SIK3: variants seen among roughly 807,000 people sequenced by gnomAD.
SIK3 encodes the protein serine/threonine-protein kinase SIK3.
A neutral mutation model predicts 144.2 loss-of-function variants in SIK3; 28 were observed. That is an observed-to-expected ratio of 0.19 (90% CI 0.14 to 0.27). The LOEUF (loss-of-function observed/expected upper bound fraction) is 0.27, where lower values mean the gene tolerates loss of function less well. SIK3 is among the 10% of genes least tolerant of loss of function. The probability of loss-of-function intolerance (pLI) is 1.00; values close to 1 mark genes in which losing one functional copy is unlikely to be tolerated. For missense variants in SIK3, 1,319 were observed against 1,776.0 expected (o/e 0.74, Z 4.62); for synonymous variants, 686 against 676.3 (o/e 1.01, Z -0.22).
intron 1 of SIK3, among the ~76,000 whole-genome samples, chr11:117,018,692 G>A (rs946059849): frequency 1.3e-5 from 2 of 149,278 alleles, no homozygotes; most frequent in Non-Finnish European, 3.0e-5. Context: ...CTGAATTATT[G>A]TATCATTGTT....
intron 6 of SIK3, among the ~76,000 whole-genome samples, chr11:116,889,025 G>C (rs1944967113): frequency 6.6e-6 from 1 of 152,186 alleles, no homozygotes; most frequent in Non-Finnish European, 1.5e-5. Flanking sequence ...TTGCTCACAG[G>C]AAACACTGTG....
At chr11:116,896,924 G>A (rs1327272011) in intron 5 of SIK3, among the ~76,000 whole-genome samples, 1 of 151,788 alleles carries the variant, frequency 6.6e-6, no homozygotes, top group Non-Finnish European at 1.5e-5. Flanking sequence ...CTACTTGTGA[G>A]GCTGAGGCAG....
intron 21 of SIK3, chr11:116,857,427 A>C: frequency 4.6e-6 from 1 of 218,488 alleles, no homozygotes; most frequent in African/African-American, 2.3e-5. Context: ...GAGCAGAATT[A>C]AGGTGCTCTG....
In SIK3 at chr11:116,859,770, T is replaced by A. The variant is rs140153143; in HGVS notation, c.2426-166A>T. The stretch of plus-strand genomic sequence containing the variant: ...GAGAACTTGTTAAACAGAAGATTCC[T>A]GGGTCCTATCTATATAATTCTGTTT... On this transcript the variant is annotated intron_variant, in intron 19 of 24. Transcript: ENST00000445177. Among the ~76,000 whole-genome samples the A allele has an allele frequency of 5.1e-3, 779 of 152,342 alleles. 7 individuals carry two copies. Among genetic ancestry groups the A allele is most frequent in the African/African-American group, 0.018 (738 of 41,580 alleles).
intron 3 of SIK3, among the ~76,000 whole-genome samples, chr11:116,953,529 T>C (rs1225437950): frequency 6.6e-6 from 1 of 152,174 alleles, no homozygotes; most frequent in African/African-American, 2.4e-5. Context: ...GAGAGGAAAA[T>C]ATAGCTACTG....
At chr11:117,046,793 T>C (rs1374824634) in intron 1 of SIK3, among the ~76,000 whole-genome samples, 1 of 152,120 alleles carries the variant, frequency 6.6e-6, no homozygotes, top group African/African-American at 2.4e-5. Flanking sequence ...GGTGGGAGGA[T>C]TGCTTTAGCC....
At chr11:116,990,210 G>A (rs981652638) in intron 1 of SIK3, among the ~76,000 whole-genome samples, 7 of 152,120 alleles carry the variant, frequency 4.6e-5, no homozygotes, top group African/African-American at 1.2e-4. Flanking sequence ...TTGTGATCCC[G>A]CCTAGCCAAC....
intron 1 of SIK3, among the ~76,000 whole-genome samples, chr11:117,064,935 G>A (rs570152580): frequency 6.6e-6 from 1 of 152,060 alleles, no homozygotes. Context: ...AGATCACGAG[G>A]TCAGGAGTTC....
rs542214924 is a variant in SIK3, at chr11:116,989,211, G to A, written c.274-32147C>T. Among the ~76,000 whole-genome samples, 4 of 151,302 alleles carry A rather than the reference G, an allele frequency of 2.6e-5. No homozygotes were observed. In the South Asian group the frequency reaches 6.3e-4, roughly 24 times the overall value. On this transcript the variant is annotated intron_variant, in intron 1 of 24. Coordinates refer to ENST00000445177, the MANE Select transcript of SIK3 (RefSeq NM_001366686.3). ...TTTCCTTCCACTTTTTTTTTTCCCC[G>A]CATGTTCGAATGTCTCTCAGATGAT...
chr11:117,015,537 G>A (rs1348288494), intron 1 of SIK3, among the ~76,000 whole-genome samples: 2 of 149,982 alleles, frequency 1.3e-5, no homozygotes, highest in South Asian at 2.1e-4. Context: ...TCAGCCTCTG[G>A]AGTAGCTGGG....
In SIK3 at chr11:116,874,070, G is replaced by A. The variant is rs1944116091; in HGVS notation, c.1428-14C>T. The A allele has an allele frequency of 6.2e-7, 1 of 1,612,254 alleles. No homozygotes were observed. Among genetic ancestry groups the A allele is most frequent in the Non-Finnish European group, 8.5e-7 (1 of 1,179,482 alleles). On this transcript the variant is annotated splice_polypyrimidine_tract_variant and intron_variant, in intron 11 of 24. Coordinates refer to ENST00000445177, the MANE Select transcript of SIK3 (RefSeq NM_001366686.3). ...ATAACTTCCGTGCTGATACAAAACA[G>A]AATGACAGAGAAGTTTAGTTAACAT...
At chr11:117,029,608 G>A (rs1002248695) in intron 1 of SIK3, among the ~76,000 whole-genome samples, 2 of 152,134 alleles carry the variant, frequency 1.3e-5, no homozygotes, top group African/African-American at 4.8e-5. Flanking sequence ...GTGGAAAGGG[G>A]AGGTAACAAA....
intron 3 of SIK3, among the ~76,000 whole-genome samples, chr11:116,948,280 A>C (rs540455765): frequency 6.6e-6 from 1 of 150,380 alleles, no homozygotes; most frequent in South Asian, 2.1e-4. Flanking sequence ...CTTTATAATC[A>C]TTTTTATTTT....
chr11:116,877,623 G>A (rs1944321588), intron 6 of SIK3, among the ~76,000 whole-genome samples: 2 of 152,318 alleles, frequency 1.3e-5, no homozygotes, highest in South Asian at 4.1e-4. Flanking sequence ...TATTTAAATA[G>A]TCATAGGTAT....
rs79867419 is a variant in SIK3, at chr11:116,939,961, A to T, written c.455-12581T>A. On this transcript the variant is annotated intron_variant, in intron 3 of 24. Transcript: ENST00000445177. The stretch of plus-strand genomic sequence containing the variant: ...ATCGTAATTTGTACAAACTATAAGA[A>T]GATGTTTTGAAACATCTGCAGAAAG... Among the ~76,000 whole-genome samples, 56 of 152,346 alleles carry T rather than the reference A, an allele frequency of 3.7e-4. 1 individual carries two copies. In the East Asian group the frequency reaches 0.011, roughly 29 times the overall value.
intron 1 of SIK3, among the ~76,000 whole-genome samples, chr11:117,057,925 T>A (rs78770689): frequency 0.012 from 1,777 of 152,314 alleles, 36 homozygotes; most frequent in African/African-American, 0.04. Flanking sequence ...CAAAGGTTGC[T>A]GCTATTATTG....
intron 1 of SIK3, among the ~76,000 whole-genome samples, chr11:116,973,696 G>A (rs1204209625): frequency 6.6e-6 from 1 of 152,190 alleles, no homozygotes; most frequent in Admixed American, 6.5e-5. Flanking sequence ...AAGTCATGTT[G>A]ATAGTATGTG....
At chr11:116,885,069 T>C (rs1367447449) in intron 6 of SIK3, among the ~76,000 whole-genome samples, 1 of 152,226 alleles carries the variant, frequency 6.6e-6, no homozygotes, top group African/African-American at 2.4e-5. Flanking sequence ...TAACTATAAA[T>C]TCCAACCCTA....
At chr11:117,036,103 A>G (rs1425482415) in intron 1 of SIK3, 8 of 616,826 alleles carry the variant, frequency 1.3e-5, no homozygotes, top group Non-Finnish European at 2.2e-5. Context: ...TTTTTTTTTT[A>G]TAGTCAAGGT....
Sources: gnomAD v4.1 joint callset for allele counts (sites outside exome capture counted in the v4.1 genomes callset) on GRCh38, gnomAD v4.1.1 for gene constraint, MANE v1.5 for transcripts, NCBI Gene and HGNC (gene_info 2026-07-23, HGNC 2026-07-21) for gene names.